The following CFAP61 variants were observed in gnomAD, a reference collection of about 807,000 sequenced individuals.
The protein encoded by CFAP61 is cilia- and flagella-associated protein 61.
CFAP61 carries 107 observed loss-of-function variants against 135.6 expected under a neutral mutation model. The ratio of observed to expected loss-of-function variants is 0.79; its 90% confidence interval spans 0.67 to 0.93. The LOEUF is 0.93. Among genes scored for constraint, CFAP61 ranks in the 40% least tolerant of loss-of-function variants. The pLI, the probability that CFAP61 is intolerant of heterozygous loss-of-function variation, is 0.00. For missense variants in CFAP61, 1,507 were observed against 1,556.2 expected, an observed-to-expected ratio of 0.97 and a Z score of 0.53; for synonymous variants, 575 against 578.5, an observed-to-expected ratio of 0.99 and a Z score of 0.09.
chr20:20,250,632 T>A (rs949900444), intron 19 of CFAP61, among the ~76,000 whole-genome samples: 6 of 152,170 alleles, frequency 3.9e-5, no homozygotes, highest in Admixed American at 3.9e-4. Context: ...AGTGTTTTTA[T>A]GTTAAGAGAA....
chr20:20,055,450 C>T (rs541169685), intron 1 of CFAP61, among the ~76,000 whole-genome samples: 1 of 152,270 alleles, frequency 6.6e-6, no homozygotes, highest in African/African-American at 2.4e-5. Context: ...GGGGCCCATC[C>T]AAAGTCCCAG....
rs545160709 is a variant in CFAP61, at chr20:20,235,183, A to G, written c.2060+6807A>G. On this transcript the variant is annotated intron_variant, in intron 18 of 26. Coordinates refer to ENST00000245957, the MANE Select transcript of CFAP61 (RefSeq NM_015585.4). ...CCTGGAGTCTGCAGAACATCCTCCTAAGAGACTCATGTCTCTCAGATATTT... is the reference window on the plus strand; with the variant it reads ...CCTGGAGTCTGCAGAACATCCTCCTGAGAGACTCATGTCTCTCAGATATTT... Among the ~76,000 whole-genome samples the G allele has an allele frequency of 8.5e-5, 13 of 152,144 alleles. No homozygotes were observed. In the South Asian group the frequency reaches 2.5e-3, roughly 29 times the overall value.
intron 6 of CFAP61, among the ~76,000 whole-genome samples, chr20:20,076,550 C>A (rs1213961365): frequency 6.6e-6 from 1 of 152,154 alleles, no homozygotes; most frequent in Non-Finnish European, 1.5e-5. Flanking sequence ...CTCACAAAAC[C>A]ATGAGCAATG....
intron 17 of CFAP61, among the ~76,000 whole-genome samples, chr20:20,206,178 A>T (rs2056850053): frequency 6.6e-6 from 1 of 152,214 alleles, no homozygotes; most frequent in African/African-American, 2.4e-5. Context: ...TCGATGCTAC[A>T]TCTTATCCTC....
Position 20,196,326 on chromosome 20 carries a change from T to C in CFAP61, c.1591-244T>C, listed in dbSNP as rs771208305. 2.0e-5 allele frequency among the ~76,000 whole-genome samples: 3 copies of C among 152,150 alleles called. No individual in the cohort carries two copies. The East Asian group carries it at 5.8e-4, about 29-fold the overall frequency. Reference sequence around the variant, plus strand: ...TCTGAGTTGATAGCAGCCATGGGTATGGAAGGAGCACATTACAAGCTGTGC... The same window carrying C: ...TCTGAGTTGATAGCAGCCATGGGTACGGAAGGAGCACATTACAAGCTGTGC... On this transcript the variant is annotated intron_variant, in intron 15 of 26. Transcript: ENST00000245957.
rs984625585 is a variant in CFAP61, at chr20:20,251,680, C to T, written c.2245C>T (p.Arg749Ter). Reference protein sequence around the residue: ...VVVGRMTGIDRAAKHVVLSTD... With the variant: ...VVVGRMTGID ...GGTGGGTAGAATGACCGGCATAGACCGAGCAGCCAAGCACGTTGTGCTTTC... is the reference window on the plus strand; with the variant it reads ...GGTGGGTAGAATGACCGGCATAGACTGAGCAGCCAAGCACGTTGTGCTTTC... Residue 749 changes from arginine to a stop codon, truncating the protein, a stop_gained, in exon 20 of 27, where the codon CGA becomes TGA. Transcript: ENST00000245957. LOFTEE classifies it high-confidence loss of function. The T allele has an allele frequency of 1.2e-5, 20 of 1,614,046 alleles. No individual in the cohort carries two copies. The highest frequency in any genetic ancestry group is 2.2e-5 in the East Asian group (1 of 44,896).
chr20:20,342,186 T>G (rs934818907), intron 26 of CFAP61, among the ~76,000 whole-genome samples: 2 of 152,246 alleles, frequency 1.3e-5, no homozygotes, highest in African/African-American at 4.8e-5. Flanking sequence ...CTCAGAGTGC[T>G]GGCAGAAAAC....
intron 22 of CFAP61, among the ~76,000 whole-genome samples, chr20:20,282,762 A>G (rs2054293800): frequency 6.6e-6 from 1 of 152,040 alleles, no homozygotes; most frequent in African/African-American, 2.4e-5. Flanking sequence ...AACATGGTGA[A>G]ACCCTGTCTC....
At chr20:20,156,794 GAT>G (rs764261159) in intron 9 of CFAP61, among the ~76,000 whole-genome samples, 1 of 152,146 alleles carries the variant, frequency 6.6e-6, no homozygotes, top group Non-Finnish European at 1.5e-5. Context: ...TCTGACGAAA[GAT>G]ATTCAAGACT....
chr20:20,219,061 C>T (rs1185084731), intron 17 of CFAP61, among the ~76,000 whole-genome samples: 3 of 152,116 alleles, frequency 2.0e-5, no homozygotes, highest in Non-Finnish European at 4.4e-5. Flanking sequence ...TATTCAAATC[C>T]CATTAAGCCA....
intron 26 of CFAP61, among the ~76,000 whole-genome samples, chr20:20,348,965 T>C (rs184426584): frequency 2.6e-5 from 4 of 152,296 alleles, no homozygotes; most frequent in Admixed American, 2.6e-4. Context: ...TCACCACTTA[T>C]ATTCAGCATG....
At chr20:20,172,396 AGCC>A (rs1188579086) in intron 13 of CFAP61, 1 of 499,772 alleles carries the variant, frequency 2.0e-6, no homozygotes, top group African/African-American at 2.1e-5. Context: ...GGCTCGCTGG[AGCC>A]TCAACCTCCC....
intron 9 of CFAP61, among the ~76,000 whole-genome samples, chr20:20,148,111 A>G (rs1223731942): frequency 1.3e-5 from 2 of 152,142 alleles, no homozygotes; most frequent in Non-Finnish European, 2.9e-5. Context: ...GTTGGTCTAC[A>G]TGCCTATTTT....
rs777362578 is a variant in CFAP61 at position 20,176,221 on chromosome 20, A to G, written c.1385+6761A>G. Among the ~76,000 whole-genome samples, 7 of 152,284 alleles carry G rather than the reference A, an allele frequency of 4.6e-5. No individual in the cohort carries two copies. In the South Asian group the frequency reaches 1.4e-3, roughly 32 times the overall value. On this transcript the variant is annotated intron_variant, in intron 13 of 26. Transcript: ENST00000245957. The stretch of plus-strand genomic sequence containing the variant: ...AGCAACAACAGATGCTGGCGAGACT[A>G]TGGAGAAATAGGAACAATTTTACAC...
At chr20:20,249,590 A>C (rs1212887168) in intron 19 of CFAP61, among the ~76,000 whole-genome samples, 1 of 152,148 alleles carries the variant, frequency 6.6e-6, no homozygotes, top group South Asian at 2.1e-4. Flanking sequence ...CAATCACCCC[A>C]CATTCTTCAA....
intron 8 of CFAP61, among the ~76,000 whole-genome samples, chr20:20,139,374 A>G (rs765723517): frequency 1.2e-4 from 19 of 152,254 alleles, no homozygotes; most frequent in Non-Finnish European, 7.3e-5. Context: ...TCAGATAAGC[A>G]GTCTCACTTA....
chr20:20,359,683 C>CAA lies in CFAP61; in HGVS notation c.3514-526_3514-525dup, dbSNP rs1294974482. On this transcript the variant is annotated intron_variant, in intron 26 of 26. Transcript: ENST00000245957. This position sits in a 1 kb window ranked among gnomAD's most constrained non-coding sequence, Gnocchi z 4.0. ...CCGTCTCAAAAAGCAAAAAACAAAA[C>CAA]AACAACAACAACAAAACAAGTATGA... is the stretch of plus-strand genomic sequence containing the variant. Among the ~76,000 whole-genome samples, 35 of 49,626 alleles carry CAA rather than the reference C, an allele frequency of 7.1e-4. No individual in the cohort carries two copies. The highest frequency in any genetic ancestry group is 9.1e-3 in the Middle Eastern group (1 of 110). The allele number at this position is 49,626 out of a possible 152,430, so 32.6% of individuals were successfully genotyped here. A position where few individuals can be genotyped will look rare whatever the true frequency, so the allele number is the denominator to read the frequency against.
At chr20:20,082,337 C>A (rs2046488673) in intron 6 of CFAP61, among the ~76,000 whole-genome samples, 1 of 152,216 alleles carries the variant, frequency 6.6e-6, no homozygotes, top group Non-Finnish European at 1.5e-5. Context: ...ACACTGTAAT[C>A]CCCTGTCCTG....
chr20:20,106,735 A>C (rs2048435728), intron 8 of CFAP61, among the ~76,000 whole-genome samples: 1 of 152,208 alleles, frequency 6.6e-6, no homozygotes, highest in Non-Finnish European at 1.5e-5. Flanking sequence ...GTACATTCAC[A>C]TGTAAATAAC....
Sources: allele counts gnomAD v4.1 joint callset (sites outside exome capture counted in the v4.1 genomes callset), GRCh38; gene constraint gnomAD v4.1.1; non-coding constraint Gnocchi (gnomAD v3.1); transcripts MANE v1.5; gene names NCBI Gene and HGNC (gene_info 2026-07-23, HGNC 2026-07-21).